Variants in PCDH7 observed in about 807,000 individuals in gnomAD.
The protein encoded by PCDH7 is protocadherin-7.
PCDH7 carries 17 observed loss-of-function variants against 58.9 expected under a neutral mutation model. That is an observed-to-expected ratio of 0.29 (90% CI 0.20 to 0.43). The LOEUF is 0.43. Among genes scored for constraint, PCDH7 ranks in the 20% least tolerant of loss-of-function variants. The probability of loss-of-function intolerance (pLI) is 1.00; values close to 1 mark genes in which losing one functional copy is unlikely to be tolerated. For missense variants in PCDH7, 1,274 were observed against 1,441.0 expected, an observed-to-expected ratio of 0.88 and a Z score of 1.88; for synonymous variants, 664 against 616.4, an observed-to-expected ratio of 1.08 and a Z score of -1.14.
intron 3 of PCDH7, among the ~76,000 whole-genome samples, chr4:31,011,580 A>G (rs1753189419): frequency 6.6e-6 from 1 of 152,064 alleles, no homozygotes; most frequent in African/African-American, 2.4e-5. Context: ...AAAATGAGGA[A>G]CTTTACAACA....
chr4:30,765,222 C>CTCGAAAGATT (rs938202764), intron 1 of PCDH7, among the ~76,000 whole-genome samples: 5 of 142,630 alleles, frequency 3.5e-5, no homozygotes, highest in African/African-American at 1.0e-4. Context: ...TGAAAACGAC[C>CTCGAAAGATT]TCGAAAGATT....
chr4:30,766,024 G>T (rs1720695442), intron 1 of PCDH7, among the ~76,000 whole-genome samples: 1 of 151,864 alleles, frequency 6.6e-6, no homozygotes, highest in African/African-American at 2.4e-5. Flanking sequence ...GTGACGCCTG[G>T]TAAGAGACAC....
At chr4:31,066,992 G>T (rs1272799959) in intron 3 of PCDH7, among the ~76,000 whole-genome samples, 1 of 151,976 alleles carries the variant, frequency 6.6e-6, no homozygotes, top group African/African-American at 2.4e-5. Context: ...ACCAGTTACT[G>T]ATCATGATAG....
chr4:30,911,886 T>A (rs1578261670), intron 1 of PCDH7, among the ~76,000 whole-genome samples: 1 of 152,034 alleles, frequency 6.6e-6, no homozygotes, highest in Non-Finnish European at 1.5e-5. Flanking sequence ...GCTGCTTTTT[T>A]TAAAAAAAAA....
chr4:30,837,792 A>G (rs1457278992), intron 1 of PCDH7, among the ~76,000 whole-genome samples: 6 of 151,136 alleles, frequency 4.0e-5, no homozygotes, highest in Non-Finnish European at 8.8e-5. Context: ...TAATGTCTCT[A>G]TAAATGAAAC....
At chr4:30,988,405 A>G (rs1448338815) in intron 3 of PCDH7, among the ~76,000 whole-genome samples, 1 of 152,228 alleles carries the variant, frequency 6.6e-6, no homozygotes, top group East Asian at 1.9e-4. Flanking sequence ...AAACAGTTGT[A>G]AACACTATAG....
intron 3 of PCDH7, among the ~76,000 whole-genome samples, chr4:30,983,432 G>A (rs1750728302): frequency 2.6e-5 from 4 of 152,062 alleles, no homozygotes; most frequent in Admixed American, 2.0e-4. Context: ...GTCACTGCAC[G>A]GGTCAGCATT....
At chr4:30,990,821 C>G (rs189641430) in intron 3 of PCDH7, among the ~76,000 whole-genome samples, 3 of 152,272 alleles carry the variant, frequency 2.0e-5, no homozygotes, top group Non-Finnish European at 1.5e-5. Flanking sequence ...AAATTACCAT[C>G]TTGCTCAACT....
At chr4:30,923,074 A>G (rs1426488546) in intron 2 of PCDH7, among the ~76,000 whole-genome samples, 1 of 152,114 alleles carries the variant, frequency 6.6e-6, no homozygotes, top group Non-Finnish European at 1.5e-5. Flanking sequence ...GGTTTTAATC[A>G]GGATTTGTAT....
intron 3 of PCDH7, among the ~76,000 whole-genome samples, chr4:31,096,575 T>C (rs1234271992): frequency 1.3e-5 from 2 of 152,226 alleles, no homozygotes; most frequent in African/African-American, 2.4e-5. Context: ...GTTAAATCTA[T>C]GTCTAGAGTT....
intron 3 of PCDH7, among the ~76,000 whole-genome samples, chr4:31,093,255 A>AT (rs1409809222): frequency 6.6e-6 from 1 of 152,096 alleles, no homozygotes; most frequent in Non-Finnish European, 1.5e-5. Flanking sequence ...AAGAACATCC[A>AT]TTTTCATTAC....
chr4:30,950,095 A>G (rs563742842), intron 2 of PCDH7: 3 of 152,696 alleles, frequency 2.0e-5, no homozygotes, highest in Non-Finnish European at 2.9e-5. Flanking sequence ...TTCCCTTTAC[A>G]TATTTCCCCA....
intron 3 of PCDH7, among the ~76,000 whole-genome samples, chr4:31,124,457 G>A (rs952868350): frequency 6.6e-6 from 1 of 152,156 alleles, no homozygotes; most frequent in African/African-American, 2.4e-5. Context: ...TAAATCACAA[G>A]TGAAAGTGAA....
intron 1 of PCDH7, among the ~76,000 whole-genome samples, chr4:30,829,951 A>G (rs1254830848): frequency 1.3e-5 from 2 of 152,120 alleles, no homozygotes; most frequent in Non-Finnish European, 2.9e-5. Context: ...CAAATAGGCT[A>G]GTAAATCATG....
chr4:31,063,811 C>T (rs140668370), intron 3 of PCDH7, among the ~76,000 whole-genome samples: 54 of 151,968 alleles, frequency 3.6e-4, no homozygotes, highest in African/African-American at 1.2e-3. Flanking sequence ...TAGATGTTAT[C>T]TCTTGTATGT....
At chr4:30,731,129 T>C in exon 2 of PCDH7, 1 of 1,030,416 alleles carries the variant, frequency 9.7e-7, no homozygotes, top group Non-Finnish European at 1.2e-6. Context: ...TTTGAGACTT[T>C]GTGTGAACAA....
Position 30,753,291 on chromosome 4 carries a change from C to T in PCDH7, c.70+28695C>T, listed in dbSNP as rs142410219. 1.2e-4 allele frequency among the ~76,000 whole-genome samples: 19 copies of T among 152,290 alleles called. No homozygotes were observed. The East Asian group carries it at 3.5e-3, about 28-fold the overall frequency. On this transcript the variant is annotated intron_variant, in intron 1 of 3. Transcript: ENST00000509759. ...ACTGTAAAAAGAGAGATAACCTTTA[C>T]TACTTTCTCTGTTCTTGATAAGGAA...
intron 1 of PCDH7, among the ~76,000 whole-genome samples, chr4:30,850,392 A>G (rs936770983): frequency 2.0e-5 from 3 of 152,044 alleles, no homozygotes; most frequent in Non-Finnish European, 4.4e-5. Flanking sequence ...CCTCTGACCA[A>G]GCCATAGACT....
intron 2 of PCDH7, among the ~76,000 whole-genome samples, chr4:30,929,810 C>A (rs1033644339): frequency 6.6e-6 from 1 of 152,242 alleles, no homozygotes; most frequent in East Asian, 1.9e-4. Flanking sequence ...TTCCTCAGAA[C>A]CCCAGTGCCC....
Sources: allele counts gnomAD v4.1 joint callset (sites outside exome capture counted in the v4.1 genomes callset), GRCh38; gene constraint gnomAD v4.1.1; transcripts MANE v1.5; gene names NCBI Gene and HGNC (gene_info 2026-07-23, HGNC 2026-07-21).